CDH2: variants seen among roughly 807,000 people sequenced by gnomAD.
CDH2 encodes cadherin-2.
Under a neutral mutation model 92.0 loss-of-function variants are expected in CDH2, and 17 were observed. The ratio of observed to expected loss-of-function variants is 0.18; its 90% CI spans 0.13 to 0.28. The LOEUF (loss-of-function observed/expected upper bound fraction) is 0.28. CDH2 is among the 10% of genes least tolerant of loss of function. The pLI, the probability that CDH2 is intolerant of heterozygous loss-of-function variation, is 1.00. For missense variants in CDH2, 862 were observed against 1,133.1 expected, an observed-to-expected ratio of 0.76 and a Z score of 3.44; for synonymous variants, 419 against 415.9, an observed-to-expected ratio of 1.01 and a Z score of -0.09.
chr18:28,086,532 T>C (rs1202381258), intron 2 of CDH2, among the ~76,000 whole-genome samples: 1 of 152,006 alleles, frequency 6.6e-6, no homozygotes, highest in Non-Finnish European at 1.5e-5. Context: ...TATTTCCTTC[T>C]GTGTGGGTCA....
At chr18:28,044,850 C>CGTGTGTGTGTGT (rs68093312) in intron 2 of CDH2, among the ~76,000 whole-genome samples, 6,061 of 148,446 alleles carry the variant, frequency 0.041, 171 homozygotes, top group Non-Finnish European at 0.06. Context: ...TATATAACAT[C>CGTGTGTGTGTGT]GTGTGTGTGT....
intron 2 of CDH2, among the ~76,000 whole-genome samples, chr18:28,066,480 T>C (rs1012568089): frequency 3.9e-5 from 6 of 152,158 alleles, no homozygotes; most frequent in Admixed American, 6.5e-5. Context: ...ATGCATGGAA[T>C]TGTATTGACA....
downstream of CDH2, among the ~76,000 whole-genome samples, chr18:27,947,361 A>T (rs1420817096): frequency 1.3e-5 from 2 of 151,850 alleles, no homozygotes; most frequent in Admixed American, 1.3e-4. Context: ...AGTATATACA[A>T]TGTGAAAAGT....
intron 6 of CDH2, among the ~76,000 whole-genome samples, chr18:27,934,150 T>A (rs1211375547): frequency 6.6e-6 from 1 of 152,222 alleles, no homozygotes; most frequent in Non-Finnish European, 1.5e-5. Context: ...TTTCTTTACT[T>A]ATATCAGTTG....
At chr18:28,080,044 A>C (rs1567990360) in intron 2 of CDH2, among the ~76,000 whole-genome samples, 1 of 152,178 alleles carries the variant, frequency 6.6e-6, no homozygotes, top group African/African-American at 2.4e-5. Context: ...TTCAGTGACT[A>C]ATGAGAGGTT....
At chr18:28,105,108 C>G (rs894661246) in intron 2 of CDH2, among the ~76,000 whole-genome samples, 47 of 152,022 alleles carry the variant, frequency 3.1e-4, no homozygotes, top group Non-Finnish European at 4.4e-4. Context: ...TTTAATCTTT[C>G]CGGAACTCAT....
At chr18:28,053,618 C>T (rs908205584) in intron 2 of CDH2, among the ~76,000 whole-genome samples, 2 of 152,304 alleles carry the variant, frequency 1.3e-5, no homozygotes, top group East Asian at 1.9e-4. Flanking sequence ...AGTCCTATAC[C>T]TCACTTCTGT....
At chr18:28,176,225 G>A (rs938058821) in intron 1 of CDH2, among the ~76,000 whole-genome samples, 2 of 152,178 alleles carry the variant, frequency 1.3e-5, no homozygotes, top group Admixed American at 6.5e-5. Context: ...ACAGGCAGCC[G>A]GACAGAGAAA....
chr18:28,025,164 A>G (rs916979078), intron 2 of CDH2, among the ~76,000 whole-genome samples: 1 of 152,072 alleles, frequency 6.6e-6, no homozygotes, highest in Non-Finnish European at 1.5e-5. Flanking sequence ...GATCTGGGGA[A>G]GTGTTATGCA....
chr18:27,952,066 A>G lies in CDH2; in HGVS notation c.*87T>C. On this transcript the variant is annotated 3_prime_UTR_variant, in exon 16 of 16. Transcript: ENST00000269141. ...AGCAAGCACTGTGCTAGTAGACTAC[A>G]AAGTTAAAGCCTAGCTTCTGAATGC... The G allele has an allele frequency of 2.5e-6, 3 of 1,215,766 alleles. No homozygotes were observed. The highest frequency in any genetic ancestry group is 3.6e-6 in the Non-Finnish European group (3 of 823,908). 75.3% of individuals were successfully genotyped at this position (1,215,766 alleles called of 1,614,324 possible).
At chr18:28,067,119 G>A (rs1386685627) in intron 2 of CDH2, among the ~76,000 whole-genome samples, 1 of 152,030 alleles carries the variant, frequency 6.6e-6, no homozygotes, top group African/African-American at 2.4e-5. Flanking sequence ...GTAAATATCT[G>A]CATGCTCATA....
chr18:28,112,107 T>C, intron 2 of CDH2, among the ~76,000 whole-genome samples: 1 of 152,202 alleles, frequency 6.6e-6, no homozygotes, highest in East Asian at 1.9e-4. Flanking sequence ...TTAAGAAATG[T>C]ACTATCAGTA....
chr18:27,999,372 G>T (rs1567957215), intron 7 of CDH2, among the ~76,000 whole-genome samples: 1 of 152,118 alleles, frequency 6.6e-6, no homozygotes, highest in Non-Finnish European at 1.5e-5. Flanking sequence ...GACCCAGCAG[G>T]TTTGTAGATT....
chr18:28,116,344 CT>C (rs934667862), intron 2 of CDH2, among the ~76,000 whole-genome samples: 4 of 152,172 alleles, frequency 2.6e-5, no homozygotes, highest in Admixed American at 2.6e-4. Flanking sequence ...GCCCAAGCAT[CT>C]GTAACAACGA....
At chr18:28,120,738 T>C (rs749000661) in intron 2 of CDH2, among the ~76,000 whole-genome samples, 17 of 152,078 alleles carry the variant, frequency 1.1e-4, no homozygotes, top group Non-Finnish European at 2.1e-4. Context: ...CTATTCTACA[T>C]TGTAAACCTA....
At chr18:28,057,650 G>A (rs2014319570) in intron 2 of CDH2, among the ~76,000 whole-genome samples, 1 of 150,970 alleles carries the variant, frequency 6.6e-6, no homozygotes, top group Admixed American at 6.6e-5. Flanking sequence ...CTGGGTGACA[G>A]GGCAAGACTC....
At chr18:28,005,738 G>A (rs2012897412) in intron 6 of CDH2, 111 bp downstream of exon 6, 1 of 677,116 alleles carries the variant, frequency 1.5e-6, no homozygotes, top group Non-Finnish European at 2.3e-6. Flanking sequence ...ATGAATGAAA[G>A]AAAAGGATCC....
At chr18:28,095,087 C>T (rs1386322452) in intron 2 of CDH2, among the ~76,000 whole-genome samples, 1 of 152,112 alleles carries the variant, frequency 6.6e-6, no homozygotes, top group Non-Finnish European at 1.5e-5. Flanking sequence ...TCAGTTTTCA[C>T]ACTCTGTCAG....
chr18:28,058,710 T>TAA (rs1406694045), intron 2 of CDH2, among the ~76,000 whole-genome samples: 2 of 152,192 alleles, frequency 1.3e-5, no homozygotes, highest in East Asian at 3.9e-4. Flanking sequence ...TACTTAGTGT[T>TAA]AATATTAGCA....
Sources: allele counts gnomAD v4.1 joint callset (sites outside exome capture counted in the v4.1 genomes callset), GRCh38; gene constraint gnomAD v4.1.1; transcripts MANE v1.5; gene names NCBI Gene and HGNC (gene_info 2026-07-23, HGNC 2026-07-21).